UGT2B7: variants seen among roughly 807,000 people sequenced by gnomAD.
UGT2B7 encodes UDP-glucuronosyltransferase 2B7.
Under a neutral mutation model 51.9 loss-of-function variants are expected in UGT2B7, and 51 were observed. That is an observed-to-expected ratio of 0.98 (90% confidence interval 0.78 to 1.24). UGT2B7 has a LOEUF of 1.24. UGT2B7 is among the 50% of genes most tolerant of loss of function. The pLI, the probability that UGT2B7 is intolerant of heterozygous loss-of-function variation, is 0.00. For synonymous variants in UGT2B7, 225 were observed against 211.6 expected, an observed-to-expected ratio of 1.06 and a Z score of -0.55; for missense variants, 727 against 628.4, an observed-to-expected ratio of 1.16 and a Z score of -1.68.
chr4:69,075,351 CGTCT>C (rs1188192838), intron 1 of UGT2B7, among the ~76,000 whole-genome samples: 1 of 151,736 alleles, frequency 6.6e-6, no homozygotes, highest in Admixed American at 6.6e-5. Flanking sequence ...TGTCTCTGTT[CGTCT>C]GTCTGTCTGT....
At chr4:69,093,197 A>G (rs185285969), upstream of UGT2B7, among the ~76,000 whole-genome samples, 3 of 152,298 alleles carry the variant, frequency 2.0e-5, no homozygotes, top group African/African-American at 7.2e-5. Context: ...GTGAGGTGGA[A>G]CAGGATCTGC....
intron 1 of UGT2B7, among the ~76,000 whole-genome samples, chr4:69,061,786 A>G (rs1718353334): frequency 6.6e-6 from 1 of 152,124 alleles, no homozygotes; most frequent in African/African-American, 2.4e-5. Flanking sequence ...GGGCCCACTC[A>G]GCCCCCGGGA....
intron 1 of UGT2B7, among the ~76,000 whole-genome samples, chr4:69,056,730 T>C (rs1718212147): frequency 6.6e-6 from 1 of 152,198 alleles, no homozygotes; most frequent in African/African-American, 2.4e-5. Flanking sequence ...CTACCTTAGT[T>C]CACCAAAGTG....
At position 69,108,269 on chromosome 4, in the gene UGT2B7, A is replaced by T; in HGVS notation, c.1257A>T (p.Thr419=). The T allele has an allele frequency of 1.9e-6, 3 of 1,613,690 alleles. No homozygotes were observed. Among genetic ancestry groups the T allele is most frequent in the South Asian group, 1.1e-5 (1 of 91,074 alleles). The change falls in exon 5 of 6, where the codon ACA becomes ACT. Residue 419 remains threonine (T), a synonymous_variant. Coordinates refer to ENST00000305231, the MANE Select transcript of UGT2B7 (RefSeq NM_001074.4). ...RGAAVRVDFN[T]MSSTDLLNAL... The stretch of plus-strand genomic sequence containing the variant: ...CAGCTGTTAGAGTGGACTTCAACAC[A>T]ATGTCGAGTACAGACTTGCTGAATG...
intron 1 of UGT2B7, among the ~76,000 whole-genome samples, chr4:69,065,019 G>A (rs1718456204): frequency 6.6e-6 from 1 of 152,042 alleles, no homozygotes; most frequent in South Asian, 2.1e-4. Context: ...GGATTCCTAA[G>A]TGCACTGTAC....
chr4:69,081,372 A>G (rs1390516644), intron 1 of UGT2B7, among the ~76,000 whole-genome samples: 1 of 151,946 alleles, frequency 6.6e-6, no homozygotes, highest in Non-Finnish European at 1.5e-5. Flanking sequence ...TTTTTCCTAC[A>G]TTTACACTCT....
At chr4:69,087,177 G>A (rs972218812) in intron 1 of UGT2B7, among the ~76,000 whole-genome samples, 1 of 149,242 alleles carries the variant, frequency 6.7e-6, no homozygotes, top group Non-Finnish European at 1.5e-5. Flanking sequence ...ATTTTCTCTA[G>A]TAATATGTTT....
In UGT2B7 at chr4:69,112,594, T is replaced by C; in HGVS notation, c.1448T>C (p.Leu483Pro). ...AKHLRVAAHDLTWFQYHSLDV... is the reference protein window; with the variant it reads ...AKHLRVAAHDPTWFQYHSLDV... Reference sequence around the variant, plus strand: ...CACCTTCGGGTTGCAGCCCACGACCTCACCTGGTTCCAGTACCACTCTTTG... The same window carrying C: ...CACCTTCGGGTTGCAGCCCACGACCCCACCTGGTTCCAGTACCACTCTTTG... The change falls in exon 6 of 6, where the codon CTC (leucine) becomes CCC (proline). Residue 483 changes from leucine to proline, a missense_variant. Physicochemically the swap from Leu to Pro is moderately conservative, Grantham distance 98. Coordinates refer to ENST00000305231, the MANE Select transcript of UGT2B7 (RefSeq NM_001074.4). 1 of 1,613,992 alleles carries C rather than the reference T, an allele frequency of 6.2e-7. No homozygotes were observed. Among genetic ancestry groups the C allele is most frequent in the Non-Finnish European group, 8.5e-7 (1 of 1,179,878 alleles).
At chr4:69,059,833 C>T (rs567804979) in intron 1 of UGT2B7, among the ~76,000 whole-genome samples, 18 of 152,362 alleles carry the variant, frequency 1.2e-4, no homozygotes, top group Admixed American at 2.0e-4. Context: ...AACTAGGCCA[C>T]GGTGACCATC....
In UGT2B7 at chr4:69,054,196, ACT is replaced by A. The variant is rs1718121468; in HGVS notation, c.-159+2597_-159+2598del. On this transcript the variant is annotated intron_variant, in intron 1 of 5. Transcript: ENST00000502942. ...CCCAGCCCTGAGGTTACCTGACCTG[ACT>A]CTGTGAAGTCTGTGTGTCAGAAAAG... Among the ~76,000 whole-genome samples the A allele has an allele frequency of 2.0e-5, 3 of 151,782 alleles. No individual in the cohort carries two copies. The South Asian group carries it at 6.2e-4, about 32-fold the overall frequency.
rs781384898 is a variant in UGT2B7, at chr4:69,098,555, T to C, written c.737T>C (p.Leu246Ser). Residue 246 changes from leucine (L) to serine (S), a missense_variant, in exon 2 of 6, where the codon TTA becomes TCA. By Grantham distance (145) the Leu-to-Ser change is moderately radical. Coordinates refer to ENST00000305231, the MANE Select transcript of UGT2B7 (RefSeq NM_001074.4). The part of the protein sequence containing the change: ...YSEVLGRPTT[L>S]SETMGKADVW... ...TTCCTGTCAGGAAGACCCACTACAT[T>C]ATCTGAGACAATGGGGAAAGCTGAC... 3.7e-6 allele frequency: 6 copies of C among 1,607,068 alleles called. No individual in the cohort carries two copies. The highest frequency in any genetic ancestry group is 3.4e-6 in the Non-Finnish European group (4 of 1,177,816).
At chr4:69,068,235 A>G (rs1276290288) in intron 1 of UGT2B7, among the ~76,000 whole-genome samples, 1 of 152,010 alleles carries the variant, frequency 6.6e-6, no homozygotes, top group East Asian at 1.9e-4. Flanking sequence ...CCAGATTTTT[A>G]CACTACATTT....
chr4:69,064,100 A>AAGAGAGAGAGAG (rs1718431277), intron 1 of UGT2B7, among the ~76,000 whole-genome samples: 12 of 104,778 alleles, frequency 1.1e-4, no homozygotes, highest in Non-Finnish European at 2.1e-4. Flanking sequence ...AAGAAAGAGA[A>AAGAGAGAGAGAG]AGAAAGAAAG....
At chr4:69,083,698 A>G (rs1341606243) in intron 1 of UGT2B7, among the ~76,000 whole-genome samples, 1 of 152,136 alleles carries the variant, frequency 6.6e-6, no homozygotes, top group Non-Finnish European at 1.5e-5. Flanking sequence ...ATATTGGAAT[A>G]CGGAAACACA....
Position 69,096,595 on chromosome 4 carries a change from G to A in UGT2B7, c.75G>A (p.Lys25=), listed in dbSNP as rs777362846. The change falls in exon 1 of 6, where the codon AAG becomes AAA. Residue 25 remains lysine (K), a synonymous_variant. Coordinates refer to ENST00000305231, the MANE Select transcript of UGT2B7 (RefSeq NM_001074.4). ...GCTTTAGCTCTGGGAATTGTGGAAA[G>A]GTGCTGGTGTGGGCAGCAGAATACA... ...SFCFSSGNCG[K]VLVWAAEYSH... is the part of the protein sequence containing the mutation. The A allele has an allele frequency of 3.1e-6, 5 of 1,613,996 alleles. No individual in the cohort carries two copies. The highest frequency in any genetic ancestry group is 4.2e-6 in the Non-Finnish European group (5 of 1,179,900).
At chr4:69,095,601 T>C (rs1391067075), upstream of UGT2B7, among the ~76,000 whole-genome samples, 1 of 152,196 alleles carries the variant, frequency 6.6e-6, no homozygotes, top group Middle Eastern at 3.2e-3. Context: ...AACAGCCAAA[T>C]AACTGTGAGG....
At chr4:69,080,091 A>G (rs538789433) in intron 1 of UGT2B7, among the ~76,000 whole-genome samples, 2 of 152,262 alleles carry the variant, frequency 1.3e-5, no homozygotes, top group South Asian at 2.1e-4. Flanking sequence ...TGCAAAGCAA[A>G]TGATTCTCCA....
chr4:69,089,500 G>C (rs1250088967), exon 2 of UGT2B7: 1 of 142,242 alleles, frequency 7.0e-6, no homozygotes, highest in African/African-American at 2.6e-5. Flanking sequence ...CAGATCTCTG[G>C]CAAAGATGGC....
At chr4:69,103,186 TA>T (rs1163347491) in intron 3 of UGT2B7, among the ~76,000 whole-genome samples, 3 of 152,106 alleles carry the variant, frequency 2.0e-5, no homozygotes, top group Non-Finnish European at 4.4e-5. Context: ...GAAAGGTATT[TA>T]AAAAGTGTTT....
Sources: allele counts gnomAD v4.1 joint callset (sites outside exome capture counted in the v4.1 genomes callset), GRCh38; gene constraint gnomAD v4.1.1; transcripts MANE v1.5; gene names NCBI Gene and HGNC (gene_info 2026-07-23, HGNC 2026-07-21).